VPS50: variants seen among roughly 807,000 people sequenced by gnomAD.
VPS50 encodes the protein VPS50 subunit of EARP/GARPII complex.
In VPS50, 70 loss-of-function variants were observed where a neutral mutation model predicts 139.7. The observed-to-expected ratio is 0.50, with a 90% CI of 0.41 to 0.61. The LOEUF is 0.61. Ranked by LOEUF, VPS50 falls within the 20% of genes least tolerant of loss-of-function variation. The pLI, the probability that VPS50 is intolerant of heterozygous loss-of-function variation, is 0.00. For synonymous variants in VPS50, 365 were observed against 376.7 expected (o/e 0.97, Z 0.36); for missense variants, 921 against 1,133.7 (o/e 0.81, Z 2.69).
chr7:93,297,300 C>A, intron 16 of VPS50, 57 bp downstream of exon 16: 1 of 1,407,338 alleles, frequency 7.1e-7, no homozygotes, highest in South Asian at 1.7e-5. Context: ...ATACTTTTGT[C>A]TAATACTTAA....
At chr7:93,281,323 G>A (rs570104429) in intron 12 of VPS50, among the ~76,000 whole-genome samples, 1 of 152,210 alleles carries the variant, frequency 6.6e-6, no homozygotes, top group Non-Finnish European at 1.5e-5. Context: ...AGTCCCTGTA[G>A]AAAATAACAG....
intron 23 of VPS50, among the ~76,000 whole-genome samples, chr7:93,346,338 T>C (rs1003450271): frequency 2.0e-5 from 3 of 152,178 alleles, no homozygotes; most frequent in Non-Finnish European, 4.4e-5. Context: ...TACAAACAAA[T>C]GGAAGAACAT....
At chr7:93,342,672 C>A (rs1355260412) in intron 23 of VPS50, among the ~76,000 whole-genome samples, 1 of 152,218 alleles carries the variant, frequency 6.6e-6, no homozygotes, top group Non-Finnish European at 1.5e-5. Flanking sequence ...TGACCACTGA[C>A]CCCTGATCCC....
At chr7:93,293,834 T>C (rs1562872715) in intron 13 of VPS50, among the ~76,000 whole-genome samples, 2 of 152,178 alleles carry the variant, frequency 1.3e-5, no homozygotes, top group Non-Finnish European at 2.9e-5. Flanking sequence ...AAACTTGTCA[T>C]GCATCTGTGT....
chr7:93,330,070 G>C (rs1389381945), intron 21 of VPS50, among the ~76,000 whole-genome samples: 1 of 152,042 alleles, frequency 6.6e-6, no homozygotes, highest in African/African-American at 2.4e-5. Context: ...TCATAGCATA[G>C]TCTTCCTGGA....
At chr7:93,250,028 C>T (rs2116812581) in intron 2 of VPS50, among the ~76,000 whole-genome samples, 1 of 151,762 alleles carries the variant, frequency 6.6e-6, no homozygotes, top group African/African-American at 2.4e-5. Flanking sequence ...TTACTGCAAT[C>T]ATAGTAACTG....
At chr7:93,240,190 C>G (rs1201433478) in intron 2 of VPS50, among the ~76,000 whole-genome samples, 1 of 148,676 alleles carries the variant, frequency 6.7e-6, no homozygotes, top group Non-Finnish European at 1.5e-5. Flanking sequence ...AAATTCTTAG[C>G]CTGAAAGCAG....
intron 18 of VPS50, 54 bp downstream of exon 18, chr7:93,306,058 C>T: frequency 7.5e-7 from 1 of 1,331,460 alleles, no homozygotes; most frequent in Non-Finnish European, 1.1e-6. Context: ...AACTGTTCTA[C>T]TCAATGAACA....
Position 93,291,722 on chromosome 7 carries a change from A to G in VPS50, c.962A>G (p.Tyr321Cys). 3.8e-6 allele frequency: 6 copies of G among 1,573,724 alleles called. No homozygotes were observed. The highest frequency in any genetic ancestry group is 1.2e-5 in the South Asian group (1 of 83,934). The change falls in exon 13 of 28, where the codon TAT becomes TGT. Residue 321 changes from tyrosine to cysteine, a missense_variant. Physicochemically the swap from Tyr to Cys is radical, Grantham distance 194. Coordinates refer to ENST00000305866, the MANE Select transcript of VPS50 (RefSeq NM_017667.4). ...CTTTAGCATGTTACACCAGACAGCTATATTCCATGCCTTGCAGACCTGTGC... is the reference window on the plus strand; with the variant it reads ...CTTTAGCATGTTACACCAGACAGCTGTATTCCATGCCTTGCAGACCTGTGC... ...DLCTHVTPDS[Y>C]IPCLADLCKA...
In VPS50 at chr7:93,348,610, A is replaced by T. The variant is rs1798470003; in HGVS notation, c.2208-101A>T. On this transcript the variant is annotated intron_variant, in intron 23 of 27. Transcript: ENST00000305866. ...AAAGTGGAAAGTAATTTTTATTGTTAAAGTTTTGCTCAGAAATGTTAAAAA... is the reference window on the plus strand; with the variant it reads ...AAAGTGGAAAGTAATTTTTATTGTTTAAGTTTTGCTCAGAAATGTTAAAAA... 25 of 771,874 alleles carry T rather than the reference A, an allele frequency of 3.2e-5. 1 individual carries two copies. In the South Asian group the frequency reaches 4.2e-4, roughly 13 times the overall value. 47.8% of individuals were successfully genotyped at this position (771,874 alleles called of 1,614,324 possible).
intron 18 of VPS50, among the ~76,000 whole-genome samples, chr7:93,308,198 C>G (rs1797170140): frequency 6.6e-6 from 1 of 151,824 alleles, no homozygotes; most frequent in African/African-American, 2.4e-5. Flanking sequence ...ATGAATTCCA[C>G]TGTCTTTCCC....
intron 20 of VPS50, among the ~76,000 whole-genome samples, chr7:93,318,426 C>T (rs1374905884): frequency 6.6e-6 from 1 of 152,128 alleles, no homozygotes. Context: ...ACCAACTTTC[C>T]TTTACGCCTC....
chr7:93,283,424 C>A (rs568867450), intron 12 of VPS50, among the ~76,000 whole-genome samples: 3 of 151,860 alleles, frequency 2.0e-5, no homozygotes, highest in Admixed American at 1.3e-4. Flanking sequence ...TGATTAGAGA[C>A]GAGGTTTCAC....
At chr7:93,240,249 A>ACACT (rs1412054767) in intron 2 of VPS50, among the ~76,000 whole-genome samples, 33 of 109,312 alleles carry the variant, frequency 3.0e-4, no homozygotes, top group African/African-American at 1.1e-3. Flanking sequence ...ACACACACAC[A>ACACT]CTCTCTCTCT....
intron 17 of VPS50, among the ~76,000 whole-genome samples, chr7:93,304,704 T>A (rs972501231): frequency 3.2e-4 from 48 of 151,894 alleles, no homozygotes; most frequent in African/African-American, 1.1e-3. Flanking sequence ...ACATGTTTTT[T>A]AAAAAAGGCA....
chr7:93,349,781 G>GAT, intron 24 of VPS50, 94 bp from the exon 25 acceptor site: 2 of 841,410 alleles, frequency 2.4e-6, no homozygotes, highest in Non-Finnish European at 3.7e-6. Flanking sequence ...TTTATTTTCA[G>GAT]ATATGATATA....
Position 93,232,508 on chromosome 7 carries a change from G to A in VPS50, c.33+8G>A, listed in dbSNP as rs1305230204. On this transcript the variant is annotated splice_region_variant and intron_variant, in intron 1 of 27. Transcript: ENST00000305866. ...TCTCTCATGACCCGACAGGTAAGTCGCGGCGGCTGAAGCAAAGGCTTCCTT... is the reference window on the plus strand; with the variant it reads ...TCTCTCATGACCCGACAGGTAAGTCACGGCGGCTGAAGCAAAGGCTTCCTT... 1 of 1,612,640 alleles carries A rather than the reference G, an allele frequency of 6.2e-7. No homozygotes were observed. Among genetic ancestry groups the A allele is most frequent in the Non-Finnish European group, 8.5e-7 (1 of 1,178,818 alleles).
At chr7:93,319,195 GA>G (rs1224803115) in intron 20 of VPS50, among the ~76,000 whole-genome samples, 1 of 151,752 alleles carries the variant, frequency 6.6e-6, no homozygotes, top group Non-Finnish European at 1.5e-5. Flanking sequence ...TATAGTCACA[GA>G]AAAAAAACAC....
intron 19 of VPS50, 56 bp from the exon 20 acceptor site, chr7:93,311,110 T>G: frequency 1.2e-6 from 1 of 814,390 alleles, no homozygotes; most frequent in Non-Finnish European, 2.2e-6. Flanking sequence ...TCTGACTAAC[T>G]TATTGGTTTA....
Sources: allele counts gnomAD v4.1 joint callset (sites outside exome capture counted in the v4.1 genomes callset), GRCh38; gene constraint gnomAD v4.1.1; transcripts MANE v1.5; gene names NCBI Gene and HGNC (gene_info 2026-07-23, HGNC 2026-07-21).